Variants in DNAH3 observed in about 807,000 individuals in gnomAD.
The protein encoded by DNAH3 is dynein axonemal heavy chain 3, also known as axonemal beta dynein heavy chain 3.
A neutral mutation model predicts 432.5 loss-of-function variants in DNAH3; 332 were observed. The observed-to-expected ratio is 0.77, with a 90% CI of 0.70 to 0.84. The LOEUF (loss-of-function observed/expected upper bound fraction) is 0.84, where lower values mean the gene tolerates loss of function less well. Among genes scored for constraint, DNAH3 ranks in the 40% least tolerant of loss-of-function variants. The probability of loss-of-function intolerance (pLI) is 0.00; values close to 1 mark genes in which losing one functional copy is unlikely to be tolerated. For missense variants in DNAH3, 4,861 were observed against 5,114.0 expected, an observed-to-expected ratio of 0.95 and a Z score of 1.51; for synonymous variants, 1,956 against 1,900.2, an observed-to-expected ratio of 1.03 and a Z score of -0.76.
rs189464317 is a variant in DNAH3, at chr16:21,020,317, A to G, written c.5777-448T>C. ...GATTACAGCCGTGAGCAATATTTTT[A>G]TTTTTACTGCTGTATAATAATATAG... On this transcript the variant is annotated intron_variant, in intron 40 of 61. Coordinates refer to ENST00000261383, the Ensembl canonical transcript of DNAH3. Among the ~76,000 whole-genome samples the G allele has an allele frequency of 1.9e-4, 22 of 116,182 alleles. 1 individual carries two copies. In the East Asian group the frequency reaches 5.0e-3, roughly 27 times the overall value. The allele number at this position is 116,182 out of a possible 152,430, so 76.2% of individuals were successfully genotyped here. A position where few individuals can be genotyped will look rare whatever the true frequency, so the allele number is the denominator to read the frequency against.
chr16:21,149,968 G>A (rs1439717134), intron 1 of DNAH3, among the ~76,000 whole-genome samples: 1 of 152,130 alleles, frequency 6.6e-6, no homozygotes, highest in East Asian at 1.9e-4. Context: ...GCTCACACCT[G>A]TAATCCCAGC....
intron 1 of DNAH3, chr16:21,159,200 CAG>C (rs971627888): frequency 1.1e-6 from 1 of 950,830 alleles, no homozygotes; most frequent in Non-Finnish European, 1.7e-6. Flanking sequence ...CCCATCGCTG[CAG>C]AGAGATCTGC....
chr16:21,044,357 GGT>G (rs1439754249), intron 31 of DNAH3, among the ~76,000 whole-genome samples: 3 of 151,432 alleles, frequency 2.0e-5, no homozygotes, highest in Non-Finnish European at 2.9e-5. Flanking sequence ...GTTGAGCAGT[GGT>G]TTGTAGTTCT....
chr16:20,935,386 A>AT lies in DNAH3; in HGVS notation c.11958dup (p.Tyr3987IlefsTer6). 6.2e-7 allele frequency: 1 copy of AT among 1,613,940 alleles called. No individual in the cohort carries two copies. The highest frequency in any genetic ancestry group is 1.1e-5 in the South Asian group (1 of 91,048). Reference sequence around the variant, plus strand: ...CCAATGTGGTCAATGGGGATGGTATATTTCCGGGCATAATTTTGAGAGACG... The same window carrying AT: ...CCAATGTGGTCAATGGGGATGGTATATTTTCCGGGCATAATTTTGAGAGACG... On this transcript the variant is annotated frameshift_variant, in exon 61 of 62. Transcript: ENST00000261383. LOFTEE classifies it high-confidence loss of function.
chr16:21,121,802 AG>A, intron 10 of DNAH3, 142 bp downstream of exon 11: 3 of 564,854 alleles, frequency 5.3e-6, no homozygotes, highest in Non-Finnish European at 8.9e-6. Flanking sequence ...TCTGGGGTCA[AG>A]GGGTTATATT....
chr16:21,108,637 G>A (rs933714721), intron 14 of DNAH3, among the ~76,000 whole-genome samples: 3 of 152,140 alleles, frequency 2.0e-5, no homozygotes, highest in African/African-American at 7.2e-5. Flanking sequence ...CAGCTACTTC[G>A]GGGGCTGAGG....
intron 35 of DNAH3, among the ~76,000 whole-genome samples, chr16:21,035,588 T>C (rs2152727528): frequency 6.6e-6 from 1 of 152,296 alleles, no homozygotes; most frequent in South Asian, 2.1e-4. Context: ...AAATATTAAT[T>C]GTAAAATCTG....
At chr16:20,948,996 T>C (rs1339577109) in intron 56 of DNAH3, among the ~76,000 whole-genome samples, 2 of 152,092 alleles carry the variant, frequency 1.3e-5, no homozygotes, top group Non-Finnish European at 2.9e-5. Flanking sequence ...GAGAAGAGGC[T>C]TGACTTCAGG....
intron 47 of DNAH3, 66 bp from the exon 48 acceptor site, chr16:20,985,781 A>G: frequency 6.6e-7 from 1 of 1,519,450 alleles, no homozygotes; most frequent in East Asian, 2.3e-5. Flanking sequence ...TAGGGACATC[A>G]TGGAGGGAGG....
exon 53 of DNAH3, chr16:20,964,512 A>G (rs575252992): frequency 6.2e-7 from 1 of 1,614,174 alleles, no homozygotes; most frequent in African/African-American, 1.3e-5. Flanking sequence ...CAATCAAGAC[A>G]GGGGTGCCTA....
At chr16:21,127,963 A>C (rs1191925068) in intron 7 of DNAH3, 151 bp from the exon 9 acceptor site, 1 of 977,488 alleles carries the variant, frequency 1.0e-6, no homozygotes, top group Non-Finnish European at 1.5e-6. Context: ...GCTGAGGAGG[A>C]TATGGGAGGC....
At chr16:21,146,027 G>A in exon 2 of DNAH3, 1 of 1,613,966 alleles carries the variant, frequency 6.2e-7, no homozygotes, top group Non-Finnish European at 8.5e-7. Context: ...AGCAGGCAGA[G>A]GAGGCAGCTC....
exon 52 of DNAH3, chr16:20,969,847 G>A (rs757155214): frequency 2.5e-5 from 41 of 1,614,202 alleles, no homozygotes; most frequent in Non-Finnish European, 3.1e-5. Context: ...TGATGCAGAT[G>A]CTCTCCATGA....
intron 7 of DNAH3, among the ~76,000 whole-genome samples, chr16:21,131,587 T>C (rs555642462): frequency 2.6e-5 from 4 of 152,052 alleles, no homozygotes; most frequent in African/African-American, 4.8e-5. Flanking sequence ...TGGTGGCTCT[T>C]GCCTGTAATC....
chr16:21,109,710 C>G (rs187229859), intron 14 of DNAH3, among the ~76,000 whole-genome samples: 24 of 151,646 alleles, frequency 1.6e-4, no homozygotes, highest in Admixed American at 1.6e-3. Flanking sequence ...AGTGATACTC[C>G]TGCCTCAACT....
At chr16:21,080,836 G>C (rs1292724308) in intron 20 of DNAH3, among the ~76,000 whole-genome samples, 1 of 152,192 alleles carries the variant, frequency 6.6e-6, no homozygotes, top group Non-Finnish European at 1.5e-5. Context: ...TCTAGAGGTA[G>C]CATCCAAATG....
intron 52 of DNAH3, among the ~76,000 whole-genome samples, chr16:20,966,141 G>A (rs780224459): frequency 5.7e-5 from 8 of 140,550 alleles, no homozygotes; most frequent in East Asian, 2.2e-4. Flanking sequence ...GGGTTCAAGC[G>A]ATTCTCCTAC....
intron 47 of DNAH3, among the ~76,000 whole-genome samples, chr16:20,986,089 C>G (rs1444769685): frequency 6.6e-6 from 1 of 152,014 alleles, no homozygotes; most frequent in African/African-American, 2.4e-5. Context: ...CTCCTGATAT[C>G]AGGTTACCTG....
chr16:21,140,842 CAT>C (rs2092709268), intron 4 of DNAH3, 132 bp from the exon 6 acceptor site: 1 of 725,712 alleles, frequency 1.4e-6, no homozygotes. Flanking sequence ...CATCTAATGG[CAT>C]GTGTGTATAC....
Sources: gnomAD v4.1 joint callset for allele counts (sites outside exome capture counted in the v4.1 genomes callset) on GRCh38, gnomAD v4.1.1 for gene constraint, MANE v1.5 for transcripts, NCBI Gene and HGNC (gene_info 2026-07-23, HGNC 2026-07-21) for gene names.